The following ITSN1 variants were observed in gnomAD, a reference collection of about 807,000 sequenced individuals.
ITSN1 encodes intersectin-1.
A neutral mutation model predicts 239.8 loss-of-function variants in ITSN1; 58 were observed. The observed-to-expected ratio is 0.24, with a 90% CI of 0.20 to 0.30. The LOEUF (loss-of-function observed/expected upper bound fraction) is 0.30, where lower values mean the gene tolerates loss of function less well. Among genes scored for constraint, ITSN1 ranks in the 10% least tolerant of loss-of-function variants. The probability of loss-of-function intolerance (pLI) is 1.00; values close to 1 mark genes in which losing one functional copy is unlikely to be tolerated. For synonymous variants in ITSN1, 780 were observed against 770.8 expected, an observed-to-expected ratio of 1.01 and a Z score of -0.20; for missense variants, 1,558 against 2,103.3, an observed-to-expected ratio of 0.74 and a Z score of 5.07.
intron 1 of ITSN1, among the ~76,000 whole-genome samples, chr21:33,681,056 A>G (rs2090918867): frequency 6.6e-6 from 1 of 152,206 alleles, no homozygotes; most frequent in Non-Finnish European, 1.5e-5. Flanking sequence ...GTGCCATTTC[A>G]ACTCATACTT....
In ITSN1 at chr21:33,735,213, G is replaced by A. The variant is rs1384674088; in HGVS notation, c.346+9G>A. ...TAGCGCACCAGCATTTGGTAAGTCT[G>A]AAAATGAATTGGTTTCTGTATTTTC... is the stretch of plus-strand genomic sequence containing the variant. On this transcript the variant is annotated intron_variant, in intron 5 of 39. Transcript: ENST00000381318. 6.2e-7 allele frequency: 1 copy of A among 1,610,408 alleles called. No homozygotes were observed. Among genetic ancestry groups the A allele is most frequent in the African/African-American group, 1.3e-5 (1 of 74,690 alleles).
chr21:33,807,194 G>A (rs1329039516), intron 20 of ITSN1, among the ~76,000 whole-genome samples: 3 of 152,204 alleles, frequency 2.0e-5, no homozygotes, highest in Non-Finnish European at 4.4e-5. Context: ...GATGGGAGAA[G>A]CTCTTGCTTA....
At position 33,750,156 on chromosome 21, in the gene ITSN1, C is replaced by T. The variant is rs745493656; in HGVS notation, c.360C>T (p.Ile120=). 24 of 1,613,772 alleles carry T rather than the reference C, an allele frequency of 1.5e-5. No homozygotes were observed. Among genetic ancestry groups the T allele is most frequent in the South Asian group, 3.3e-5 (3 of 91,052 alleles). The change falls in exon 6 of 40, where the codon ATC becomes ATT. Residue 120 remains isoleucine, a synonymous_variant. Coordinates refer to ENST00000381318, the MANE Select transcript of ITSN1 (RefSeq NM_003024.3). ...TTTTCTTCATAGGTATGGGAGGTAT[C>T]GCCAGCATGCCACCGCTTACAGCTG... The part of the protein sequence containing the change: ...SSAPAFGMGG[I]ASMPPLTAVA...
In ITSN1 at chr21:33,865,194, G is replaced by C. The variant is rs780514538; in HGVS notation, c.3934G>C (p.Val1312Leu). 15 of 1,614,022 alleles carry C rather than the reference G, an allele frequency of 9.3e-6. No individual in the cohort carries two copies. In the South Asian group the frequency reaches 1.5e-4, roughly 17 times the overall value. Reference sequence around the variant, plus strand: ...GAAGATGTCCGGGGAGAAGATGCCTGTGAAGATGATTGGAGACATCCTGAG... The same window carrying C: ...GAAGATGTCCGGGGAGAAGATGCCTCTGAAGATGATTGGAGACATCCTGAG... The part of the protein sequence containing the change: ...RKKMSGEKMP[V>L]KMIGDILSAQ... The change falls in exon 32 of 40, where the codon GTG becomes CTG. Residue 1312 changes from valine (V) to leucine (L), a missense_variant. By Grantham distance (32) the Val-to-Leu change is conservative. This residue lies in a region of ITSN1 where 576 missense variants were observed against 893.3 expected (regional missense o/e 0.64). Coordinates refer to ENST00000381318, the MANE Select transcript of ITSN1 (RefSeq NM_003024.3). This position sits in a 1 kb window ranked among gnomAD's most constrained non-coding sequence, Gnocchi z 4.4.
At chr21:33,653,145 C>T (rs926656470) in intron 1 of ITSN1, among the ~76,000 whole-genome samples, 9 of 152,098 alleles carry the variant, frequency 5.9e-5, no homozygotes, top group Non-Finnish European at 1.5e-5. Flanking sequence ...CAGGCATGTG[C>T]CACCATGCCC....
Position 33,774,761 on chromosome 21 carries a change from A to G in ITSN1, c.1338A>G (p.Gln446=), listed in dbSNP as rs752201281. ...AAKRELERQR[Q]LEWERNRRQE... ...AACGGGAACTTGAAAGGCAACGACA[A>G]CTTGAGTGGGAACGGAATCGAAGGC... The change falls in exon 13 of 40, where the codon CAA becomes CAG. Residue 446 remains glutamine, a synonymous_variant. Coordinates refer to ENST00000381318, the MANE Select transcript of ITSN1 (RefSeq NM_003024.3). 2 of 1,614,056 alleles carry G rather than the reference A, an allele frequency of 1.2e-6. No individual in the cohort carries two copies. The highest frequency in any genetic ancestry group is 1.1e-5 in the South Asian group (1 of 91,058).
chr21:33,809,301 A>C (rs2148169677), intron 20 of ITSN1, among the ~76,000 whole-genome samples: 1 of 152,320 alleles, frequency 6.6e-6, no homozygotes, highest in South Asian at 2.1e-4. Flanking sequence ...GAGAATTCTC[A>C]GCTTTAAAAA....
chr21:33,733,956 T>C (rs2066343521), intron 4 of ITSN1, among the ~76,000 whole-genome samples: 1 of 152,238 alleles, frequency 6.6e-6, no homozygotes, highest in African/African-American at 2.4e-5. Context: ...ACATGTTTTC[T>C]TTCTTTGAGT....
At position 33,899,532 on chromosome 21, in the gene ITSN1, G is replaced by A. The variant is rs1057228106; in HGVS notation, c.*11232G>A. ...ACACTATTATAAATTGTAGACTTAC[G>A]TATTTGTCTAAAGGTTTGATGAAGC... On this transcript the variant is annotated 3_prime_UTR_variant, in exon 40 of 40. Coordinates refer to ENST00000381318, the MANE Select transcript of ITSN1 (RefSeq NM_003024.3). 2 of 152,206 alleles carry A rather than the reference G, an allele frequency of 1.3e-5. No individual in the cohort carries two copies. The highest frequency in any genetic ancestry group is 1.9e-4 in the East Asian group (1 of 5,204). 9.4% of individuals were successfully genotyped at this position (152,206 alleles called of 1,614,324 possible).
intron 1 of ITSN1, among the ~76,000 whole-genome samples, chr21:33,699,485 T>C (rs2091921442): frequency 6.6e-6 from 1 of 152,136 alleles, no homozygotes; most frequent in Non-Finnish European, 1.5e-5. Context: ...TTTGGGAGGC[T>C]GAGGCGGGCA....
At chr21:33,715,253 A>T (rs2065067380) in intron 1 of ITSN1, among the ~76,000 whole-genome samples, 1 of 67,730 alleles carries the variant, frequency 1.5e-5, no homozygotes, top group Non-Finnish European at 2.8e-5. Flanking sequence ...TATTTCCAGA[A>T]AATATAGGTC....
At chr21:33,649,431 T>C (rs1357118712) in intron 1 of ITSN1, among the ~76,000 whole-genome samples, 1 of 152,230 alleles carries the variant, frequency 6.6e-6, no homozygotes, top group Non-Finnish European at 1.5e-5. Context: ...TTTTAATGCA[T>C]CACTGCTCTT....
rs1450733750 is a variant in ITSN1, at chr21:33,782,061, C to A, written c.1752C>A (p.Asp584Glu). The A allele has an allele frequency of 6.2e-7, 1 of 1,613,548 alleles. No homozygotes were observed. Among genetic ancestry groups the A allele is most frequent in the South Asian group, 1.1e-5 (1 of 91,054 alleles). Residue 584 changes from aspartate to glutamate, a missense_variant, in exon 16 of 40, where the codon GAC (aspartate) becomes GAA (glutamate). Physicochemically the swap from Asp to Glu is conservative, Grantham distance 45. Transcript: ENST00000381318. Reference sequence around the variant, plus strand: ...AACTAGCTCGGCAGCACCTACGAGACCAACTGGATGAAGTGGAGAAAGAAA... The same window carrying A: ...AACTAGCTCGGCAGCACCTACGAGAACAACTGGATGAAGTGGAGAAAGAAA... ...AKELARQHLR[D>E]QLDEVEKETR...
chr21:33,890,049 A>G lies in ITSN1; in HGVS notation c.*1749A>G, dbSNP rs1238668357. ...AAACTTTCAACTGAACATGTTAGAG[A>G]CCAAGTTTAACTTCAGGCATGCATT... On this transcript the variant is annotated 3_prime_UTR_variant, in exon 40 of 40. Coordinates refer to ENST00000381318, the MANE Select transcript of ITSN1 (RefSeq NM_003024.3). The G allele has an allele frequency of 1.3e-5, 2 of 152,230 alleles. No homozygotes were observed. The highest frequency in any genetic ancestry group is 2.4e-5 in the African/African-American group (1 of 41,450). 9.4% of individuals were successfully genotyped at this position (152,230 alleles called of 1,614,324 possible).
At chr21:33,749,059 G>C (rs574792984) in intron 5 of ITSN1, among the ~76,000 whole-genome samples, 11 of 150,870 alleles carry the variant, frequency 7.3e-5, no homozygotes, top group Non-Finnish European at 1.3e-4. Flanking sequence ...TGTGATTGTG[G>C]CTCACTGTAG....
intron 29 of ITSN1, among the ~76,000 whole-genome samples, chr21:33,852,015 T>C (rs547942535): frequency 6.6e-6 from 1 of 152,254 alleles, no homozygotes; most frequent in East Asian, 1.9e-4. Context: ...CATGAACTCC[T>C]GGGCTCAGGC....
chr21:33,837,678 T>C (rs1441590161), intron 29 of ITSN1: 2 of 985,764 alleles, frequency 2.0e-6, no homozygotes, highest in Non-Finnish European at 2.4e-6. Context: ...AAGAAATTAG[T>C]TCTTTCCATG....
In ITSN1 at chr21:33,774,272, G is replaced by T. The variant is rs554126952; in HGVS notation, c.1306-457G>T. The T allele has an allele frequency of 1.0e-2, 1,567 of 156,972 alleles. 27 individuals are homozygous for T. The highest frequency in any genetic ancestry group is 0.036 in the African/African-American group (1,500 of 41,576). The allele number at this position is 156,972 out of a possible 1,614,324, so 9.7% of individuals were successfully genotyped here. ...TAAAAAGGAAATGAATGATTAGGAAGTGGGGAGTCGCAGACTTTTAAAACG... is the reference window on the plus strand; with the variant it reads ...TAAAAAGGAAATGAATGATTAGGAATTGGGGAGTCGCAGACTTTTAAAACG... On this transcript the variant is annotated intron_variant, in intron 12 of 39. Transcript: ENST00000381318.
intron 29 of ITSN1, among the ~76,000 whole-genome samples, chr21:33,843,496 G>A (rs1260294652): frequency 6.6e-6 from 1 of 152,328 alleles, no homozygotes; most frequent in East Asian, 1.9e-4. Context: ...TGAGCCAAAT[G>A]TAAGAACATG....
Sources: gnomAD v4.1 joint callset for allele counts (sites outside exome capture counted in the v4.1 genomes callset) on GRCh38, gnomAD v4.1.1 for gene constraint, gnomAD v4.1.1 regional missense constraint, Gnocchi (gnomAD v3.1) non-coding constraint, MANE v1.5 for transcripts, NCBI Gene and HGNC (gene_info 2026-07-23, HGNC 2026-07-21) for gene names.